The following NAA15 variants were observed in gnomAD, a reference collection of about 807,000 sequenced individuals.
The protein encoded by NAA15 is N-terminal acetyltransferase.
Under a neutral mutation model 114.0 loss-of-function variants are expected in NAA15, and 34 were observed. The ratio of observed to expected loss-of-function variants is 0.30; its 90% CI spans 0.23 to 0.40. NAA15 has a LOEUF of 0.40. Among genes scored for constraint, NAA15 ranks in the 10% least tolerant of loss-of-function variants. The pLI is 1.00. For synonymous variants in NAA15, 340 were observed against 338.0 expected (o/e 1.01, Z -0.06); for missense variants, 658 against 1,004.5 (o/e 0.66, Z 4.66).
At chr4:139,364,602 T>C (rs1439278197) in intron 14 of NAA15, among the ~76,000 whole-genome samples, 2 of 152,222 alleles carry the variant, frequency 1.3e-5, no homozygotes, top group African/African-American at 4.8e-5. Context: ...TAGTAGGTCA[T>C]AGGCATGGTT....
rs938158418 is a variant in NAA15, at chr4:139,320,589, C to T, written c.55-13585C>T. Among the ~76,000 whole-genome samples, 16 of 152,188 alleles carry T rather than the reference C, an allele frequency of 1.1e-4. No homozygotes were observed. In the East Asian group the frequency reaches 2.1e-3, roughly 20 times the overall value. The stretch of plus-strand genomic sequence containing the variant: ...AGGCTGGAGTGCAGTGGCATGATCT[C>T]GGCTCACTGCAACCTCCATCTCCTG... On this transcript the variant is annotated intron_variant, in intron 1 of 19. Transcript: ENST00000296543.
intron 10 of NAA15, among the ~76,000 whole-genome samples, chr4:139,355,611 C>G (rs1747925334): frequency 6.6e-6 from 1 of 151,956 alleles, no homozygotes; most frequent in Admixed American, 6.6e-5. Context: ...TTGCAGTAGC[C>G]ACATTTTAAG....
chr4:139,333,245 T>G (rs2110893690), intron 1 of NAA15, among the ~76,000 whole-genome samples: 1 of 152,332 alleles, frequency 6.6e-6, no homozygotes, highest in East Asian at 1.9e-4. Flanking sequence ...ACTTGATTGA[T>G]GACTCAGCTG....
chr4:139,305,272 T>G (rs1436919127), intron 1 of NAA15, among the ~76,000 whole-genome samples: 4 of 152,140 alleles, frequency 2.6e-5, no homozygotes, highest in African/African-American at 9.7e-5. Flanking sequence ...AAGTTATATG[T>G]GAGAGAAATG....
intron 1 of NAA15, among the ~76,000 whole-genome samples, chr4:139,313,716 G>C (rs1579083867): frequency 6.6e-6 from 1 of 151,532 alleles, no homozygotes; most frequent in East Asian, 1.9e-4. Flanking sequence ...GGCTAATTTT[G>C]TAATTTTAGT....
intron 16 of NAA15, among the ~76,000 whole-genome samples, chr4:139,377,502 C>CA (rs1748622560): frequency 6.6e-6 from 1 of 151,382 alleles, no homozygotes; most frequent in African/African-American, 2.4e-5. Context: ...CACGCCATTG[C>CA]ACTCCAGCCT....
At chr4:139,326,491 T>C (rs1746803369) in intron 1 of NAA15, among the ~76,000 whole-genome samples, 1 of 152,210 alleles carries the variant, frequency 6.6e-6, no homozygotes, top group Non-Finnish European at 1.5e-5. Context: ...GGATTCTTTT[T>C]GATACTCAGC....
chr4:139,360,390 A>T (rs953213887), intron 12 of NAA15, 110 bp from the exon 13 acceptor site: 43 of 942,152 alleles, frequency 4.6e-5, no homozygotes, highest in South Asian at 8.7e-5. Context: ...TGTTTTAAAA[A>T]TTTTTTTGAA....
intron 1 of NAA15, among the ~76,000 whole-genome samples, chr4:139,312,597 C>T (rs138259185): frequency 0.011 from 1,709 of 151,928 alleles, 27 homozygotes; most frequent in South Asian, 0.032. Flanking sequence ...GTAATCCCAT[C>T]GCTTTGGGAG....
intron 1 of NAA15, 106 bp downstream of exon 1, chr4:139,301,937 C>G: frequency 1.6e-6 from 2 of 1,253,776 alleles, no homozygotes; most frequent in South Asian, 2.8e-5. Context: ...CGCCCGGGAC[C>G]CCGCCTTCAT....
Position 139,301,594 on chromosome 4 carries a change from G to A in NAA15, c.-184G>A. On this transcript the variant is annotated 5_prime_UTR_variant, in exon 1 of 20. Transcript: ENST00000296543. ...GCGGCGGCAGCGTTAAGTGAGAAAG[G>A]AAAAAAGACAACGAGGAAAAAGGAG... 1 of 654,810 alleles carries A rather than the reference G, an allele frequency of 1.5e-6. No homozygotes were observed. Among genetic ancestry groups the A allele is most frequent in the East Asian group, 3.0e-5 (1 of 33,690 alleles). The allele number at this position is 654,810 out of a possible 1,614,324, so 40.6% of individuals were successfully genotyped here. A position where few individuals can be genotyped will look rare whatever the true frequency, so the allele number is the denominator to read the frequency against.
chr4:139,352,729 G>A (rs59353021), intron 9 of NAA15, among the ~76,000 whole-genome samples: 2,975 of 144,406 alleles, frequency 0.021, 83 homozygotes, highest in African/African-American at 0.071. Flanking sequence ...GTGCAATGGC[G>A]TGATCTCAGC....
chr4:139,308,352 T>C (rs1316744590), intron 1 of NAA15, among the ~76,000 whole-genome samples: 1 of 152,228 alleles, frequency 6.6e-6, no homozygotes, highest in Non-Finnish European at 1.5e-5. Flanking sequence ...TTAGCTTCAG[T>C]TGCTGATGAA....
chr4:139,351,486 AG>A lies in NAA15; in HGVS notation c.908-17del, dbSNP rs781003731. 8 of 1,405,728 alleles carry A rather than the reference AG, an allele frequency of 5.7e-6. No individual in the cohort carries two copies. The East Asian group carries it at 1.8e-4, about 32-fold the overall frequency. 87.1% of individuals were successfully genotyped at this position (1,405,728 alleles called of 1,614,324 possible). On this transcript the variant is annotated intron_variant, in intron 8 of 19. Coordinates refer to ENST00000296543, the MANE Select transcript of NAA15 (RefSeq NM_057175.5). ...AAATACTTGATAAATATAAGCGAAA[AG>A]GATTTTTCTCTTCCAAGGTGAGAAG...
chr4:139,340,576 T>G (rs1180650320), intron 3 of NAA15, among the ~76,000 whole-genome samples: 8 of 152,316 alleles, frequency 5.3e-5, no homozygotes, highest in African/African-American at 1.9e-4. Context: ...CAGTGAGCAC[T>G]TTATATATGT....
chr4:139,372,736 C>G (rs35911076), intron 15 of NAA15, among the ~76,000 whole-genome samples: 29,032 of 149,980 alleles, frequency 0.19, 3,184 homozygotes, highest in Non-Finnish European at 0.25. Context: ...TTCAACCCCC[C>G]CTTTTTTTGG....
At position 139,324,381 on chromosome 4, in the gene NAA15, A is replaced by T. The variant is rs114216128; in HGVS notation, c.55-9793A>T. 5.9e-3 allele frequency among the ~76,000 whole-genome samples: 896 copies of T among 152,352 alleles called. 7 individuals carry two copies. The highest frequency in any genetic ancestry group is 0.021 in the African/African-American group (868 of 41,576). On this transcript the variant is annotated intron_variant, in intron 1 of 19. Transcript: ENST00000296543. ...ATAGATACTCTGGCATTTCTTCCAT[A>T]GCAAGGGAAATCCTTATTCACAGTT...
intron 16 of NAA15, 63 bp from the exon 17 acceptor site, chr4:139,378,693 T>C: frequency 1.1e-6 from 1 of 949,114 alleles, no homozygotes; most frequent in South Asian, 1.6e-5. Context: ...TGTGAAGTCT[T>C]GGCCCTCCAA....
At chr4:139,356,986 C>T (rs1172146386) in intron 10 of NAA15, among the ~76,000 whole-genome samples, 1 of 146,866 alleles carries the variant, frequency 6.8e-6, no homozygotes, top group Non-Finnish European at 1.5e-5. Context: ...GCAGCCAGGG[C>T]TTTTTTTTTT....
Sources: allele counts gnomAD v4.1 joint callset (sites outside exome capture counted in the v4.1 genomes callset), GRCh38; gene constraint gnomAD v4.1.1; transcripts MANE v1.5; gene names NCBI Gene and HGNC (gene_info 2026-07-23, HGNC 2026-07-21).